FMN1: variants seen among roughly 807,000 people sequenced by gnomAD.
The protein encoded by FMN1 is formin-1.
In FMN1, 110 loss-of-function variants were observed where a neutral mutation model predicts 132.4. The observed-to-expected ratio is 0.83, with a 90% CI of 0.71 to 0.97. FMN1 has a LOEUF of 0.97. Ranked by LOEUF, FMN1 falls within the 50% of genes least tolerant of loss-of-function variation. The pLI is 0.00. For missense variants in FMN1, 1,792 were observed against 1,705.3 expected, an observed-to-expected ratio of 1.05 and a Z score of -0.90; for synonymous variants, 722 against 651.7, an observed-to-expected ratio of 1.11 and a Z score of -1.64.
chr15:33,066,845 A>AG, intron 5 of FMN1: 1 of 1,613,968 alleles, frequency 6.2e-7, no homozygotes, highest in Non-Finnish European at 8.5e-7. Flanking sequence ...GTTGAGCAGC[A>AG]GAGAGAGCTG....
At chr15:33,122,891 C>G (rs1962699500) in intron 4 of FMN1, among the ~76,000 whole-genome samples, 1 of 152,076 alleles carries the variant, frequency 6.6e-6, no homozygotes, top group African/African-American at 2.4e-5. Flanking sequence ...ATAAAGCAAA[C>G]CAACATCTAT....
intron 17 of FMN1, among the ~76,000 whole-genome samples, chr15:32,808,959 G>T (rs1219876381): frequency 6.6e-6 from 1 of 151,400 alleles, no homozygotes; most frequent in Admixed American, 6.6e-5. Flanking sequence ...CCTGTAAAAG[G>T]CTTTTCTACA....
At chr15:33,067,647 G>A (rs1266479492) in intron 5 of FMN1, 19 of 1,613,866 alleles carry the variant, frequency 1.2e-5, no homozygotes, top group African/African-American at 2.7e-5. Flanking sequence ...GCTTCCTGTG[G>A]ATCCAAGCCA....
intron 6 of FMN1, among the ~76,000 whole-genome samples, chr15:33,014,544 A>C (rs1315988749): frequency 6.6e-6 from 1 of 152,226 alleles, no homozygotes; most frequent in Non-Finnish European, 1.5e-5. Flanking sequence ...TCCACAAGAA[A>C]CAAGTCTAAA....
chr15:32,804,385 G>A (rs1017476367), intron 17 of FMN1, 53 bp from the exon 18 acceptor site: 79 of 898,422 alleles, frequency 8.8e-5, no homozygotes, highest in African/African-American at 7.1e-4. Context: ...TCTCCTTTGC[G>A]TAATCTTACA....
chr15:33,085,749 G>A (rs1595439461), intron 5 of FMN1, among the ~76,000 whole-genome samples: 1 of 151,758 alleles, frequency 6.6e-6, no homozygotes, highest in African/African-American at 2.4e-5. Context: ...GGGGGGAAAG[G>A]GTATAGGAAA....
At chr15:33,131,684 C>A (rs970871069) in intron 4 of FMN1, among the ~76,000 whole-genome samples, 1 of 152,114 alleles carries the variant, frequency 6.6e-6, no homozygotes, top group African/African-American at 2.4e-5. Context: ...AAGCAACCAG[C>A]CCGAGCAGCC....
At chr15:33,188,373 CCT>C (rs1267122469) in intron 2 of FMN1, among the ~76,000 whole-genome samples, 4 of 151,944 alleles carry the variant, frequency 2.6e-5, no homozygotes, top group Non-Finnish European at 4.4e-5. Flanking sequence ...TTTTTCAAAT[CCT>C]CTTGTTATTC....
intron 5 of FMN1, among the ~76,000 whole-genome samples, chr15:33,082,093 A>ATGTGTGTG (rs61138142): frequency 0.044 from 5,331 of 120,174 alleles, 134 homozygotes; most frequent in African/African-American, 0.056. Flanking sequence ...CTGGAAAACA[A>ATGTGTGTG]TGTGTGTGTG....
In FMN1 at chr15:33,180,246, A is replaced by G. The variant is rs1294589598; in HGVS notation, c.-180T>C. On this transcript the variant is annotated 5_prime_UTR_variant, in exon 3 of 21. Transcript: ENST00000616417. ...GGGTCCAGATGCGGAGATGTGAAAA[A>G]CGTGATGCCACCAGGCCTGTGTAAA... The G allele has an allele frequency of 6.6e-6, 1 of 150,712 alleles. No homozygotes were observed. The highest frequency in any genetic ancestry group is 1.5e-5 in the Non-Finnish European group (1 of 67,922). The allele number at this position is 150,712 out of a possible 1,614,324, so 9.3% of individuals were successfully genotyped here.
In FMN1 at chr15:32,982,088, G is replaced by A. The variant is rs183584632; in HGVS notation, c.2224-12611C>T. ...CAAAAATAGGTAAAAGATCTGAACA[G>A]ATAATCTACCAAGAGAGATATACGA... On this transcript the variant is annotated intron_variant, in intron 7 of 20. Coordinates refer to ENST00000616417, the MANE Select transcript of FMN1 (RefSeq NM_001277313.2). 2.1e-3 allele frequency among the ~76,000 whole-genome samples: 324 copies of A among 152,230 alleles called. 3 individuals are homozygous for A. The highest frequency in any genetic ancestry group is 2.0e-3 in the Admixed American group (31 of 15,296).
intron 10 of FMN1, among the ~76,000 whole-genome samples, chr15:32,914,251 C>A (rs1354153625): frequency 6.6e-6 from 1 of 152,156 alleles, no homozygotes; most frequent in Non-Finnish European, 1.5e-5. Context: ...TTGCTTTAGG[C>A]AGACACTGAA....
intron 4 of FMN1, among the ~76,000 whole-genome samples, chr15:33,124,832 C>G (rs1031289270): frequency 6.8e-6 from 1 of 147,826 alleles, no homozygotes; most frequent in African/African-American, 2.5e-5. Context: ...GAAAAAAATG[C>G]TTTTCATTTT....
chr15:32,781,373 A>T (rs1227425886), intron 19 of FMN1, among the ~76,000 whole-genome samples: 1 of 152,224 alleles, frequency 6.6e-6, no homozygotes, highest in African/African-American at 2.4e-5. Flanking sequence ...ACACACATTT[A>T]GTAATCCCAT....
chr15:33,175,346 G>A (rs1220005808), intron 3 of FMN1, among the ~76,000 whole-genome samples: 1 of 152,192 alleles, frequency 6.6e-6, no homozygotes, highest in Non-Finnish European at 1.5e-5. Context: ...TAGGATTACA[G>A]GCGTAAGCCA....
chr15:32,840,462 C>T (rs2058722337), intron 17 of FMN1, among the ~76,000 whole-genome samples: 3 of 152,194 alleles, frequency 2.0e-5, no homozygotes, highest in Admixed American at 6.5e-5. Context: ...TACCGAGGAC[C>T]TAACAGCATG....
intron 10 of FMN1, among the ~76,000 whole-genome samples, chr15:32,922,003 C>T (rs1048272042): frequency 2.0e-5 from 3 of 152,158 alleles, no homozygotes; most frequent in Admixed American, 6.5e-5. Flanking sequence ...AAAGCTCCAT[C>T]TCTGTGTGAT....
At position 33,053,106 on chromosome 15, in the gene FMN1, G is replaced by A. The variant is rs527994184; in HGVS notation, c.2161+11851C>T. Among the ~76,000 whole-genome samples, 224 of 152,230 alleles carry A rather than the reference G, an allele frequency of 1.5e-3. 2 individuals carry two copies. Among genetic ancestry groups the A allele is most frequent in the African/African-American group, 4.9e-3 (205 of 41,552 alleles). On this transcript the variant is annotated intron_variant, in intron 6 of 20. Coordinates refer to ENST00000616417, the MANE Select transcript of FMN1 (RefSeq NM_001277313.2). ...CAGTGTGACCTCATTCTTCTTGAAC[G>A]CTGGACAAGAGCTTGGGACCCACTG...
chr15:32,916,906 T>C (rs1009366068), intron 10 of FMN1, among the ~76,000 whole-genome samples: 1 of 151,998 alleles, frequency 6.6e-6, no homozygotes, highest in Admixed American at 6.6e-5. Flanking sequence ...GAAAGAAATA[T>C]AGAAGGACTT....
Sources: gnomAD v4.1 joint callset for allele counts (sites outside exome capture counted in the v4.1 genomes callset) on GRCh38, gnomAD v4.1.1 for gene constraint, MANE v1.5 for transcripts, NCBI Gene and HGNC (gene_info 2026-07-23, HGNC 2026-07-21) for gene names.